Variants in PTPA observed in about 807,000 individuals in gnomAD.
The protein encoded by PTPA is serine/threonine-protein phosphatase 2A activator.
In PTPA, 13 loss-of-function variants were observed where a neutral mutation model predicts 43.6. That is an observed-to-expected ratio of 0.30 (90% CI 0.19 to 0.47). PTPA has a LOEUF of 0.47. Among genes scored for constraint, PTPA ranks in the 20% least tolerant of loss-of-function variants. PTPA has a pLI of 0.99. For synonymous variants in PTPA, 172 were observed against 158.2 expected, an observed-to-expected ratio of 1.09 and a Z score of -0.66; for missense variants, 329 against 411.9, an observed-to-expected ratio of 0.80 and a Z score of 1.74.
In PTPA at chr9:129,147,507, C is replaced by G; in HGVS notation, c.*43C>G. 1 of 1,576,516 alleles carries G rather than the reference C, an allele frequency of 6.3e-7. No homozygotes were observed. The highest frequency in any genetic ancestry group is 8.7e-7 in the Non-Finnish European group (1 of 1,148,956). ...AGCCACCCAGGCCACAGTTCCTGTG[C>G]CTGCCTTCCCCACCCCAGCAGTGGC... is the stretch of plus-strand genomic sequence containing the variant. On this transcript the variant is annotated 3_prime_UTR_variant, in exon 10 of 10. Coordinates refer to ENST00000393370, the MANE Select transcript of PTPA (RefSeq NM_178000.3).
At chr9:129,118,361 T>G (rs916127720) in intron 1 of PTPA, among the ~76,000 whole-genome samples, 1 of 151,686 alleles carries the variant, frequency 6.6e-6, no homozygotes, top group Non-Finnish European at 1.5e-5. Flanking sequence ...CTATTTGGGT[T>G]GTTTCTAATT....
At chr9:129,143,047 C>A in intron 9 of PTPA, 1 of 831,186 alleles carries the variant, frequency 1.2e-6, no homozygotes, top group Non-Finnish European at 1.8e-6. Flanking sequence ...TGGACCGCTT[C>A]AGGGATTTTG....
At chr9:129,128,762 G>A (rs1429176966) in intron 3 of PTPA, among the ~76,000 whole-genome samples, 4 of 152,068 alleles carry the variant, frequency 2.6e-5, no homozygotes, top group Admixed American at 1.3e-4. Flanking sequence ...AAGCCACCCC[G>A]TCCCTGTCCC....
intron 8 of PTPA, among the ~76,000 whole-genome samples, chr9:129,140,312 T>C (rs3118633): frequency 1 from 151,666 of 152,284 alleles, 75,532 homozygotes; most frequent in Middle Eastern, 1. Flanking sequence ...TTCCTTTTTC[T>C]CCCACTCGTC....
At chr9:129,141,001 C>T (rs905066692) in intron 8 of PTPA, among the ~76,000 whole-genome samples, 6 of 151,978 alleles carry the variant, frequency 3.9e-5, no homozygotes, top group Non-Finnish European at 8.8e-5. Flanking sequence ...CTGTTGGGTG[C>T]CTCGGGCTCT....
At chr9:129,136,869 G>C (rs1850407056) in intron 7 of PTPA, among the ~76,000 whole-genome samples, 1 of 152,254 alleles carries the variant, frequency 6.6e-6, no homozygotes, top group African/African-American at 2.4e-5. Flanking sequence ...CGCACGCCTG[G>C]TGCATAATGG....
chr9:129,144,831 G>C (rs911814674), intron 9 of PTPA, among the ~76,000 whole-genome samples: 1 of 151,284 alleles, frequency 6.6e-6, no homozygotes, highest in Non-Finnish European at 1.5e-5. Flanking sequence ...CCAGGAGTTC[G>C]AGACCAACCT....
At chr9:129,126,286 C>T (rs1345693591) in intron 3 of PTPA, among the ~76,000 whole-genome samples, 7 of 151,968 alleles carry the variant, frequency 4.6e-5, no homozygotes, top group South Asian at 2.1e-4. Context: ...CTCCGCCTCC[C>T]GGGTTCAAAC....
chr9:129,113,535 G>A (rs1424224445), intron 1 of PTPA, among the ~76,000 whole-genome samples: 5 of 151,362 alleles, frequency 3.3e-5, no homozygotes, highest in Admixed American at 1.3e-4. Context: ...TTGGGAGGCC[G>A]ACACAGGCGG....
chr9:129,139,129 G>A (rs1244377208), intron 8 of PTPA, among the ~76,000 whole-genome samples: 2 of 152,232 alleles, frequency 1.3e-5, no homozygotes, highest in African/African-American at 4.8e-5. Context: ...CGGCTGGCCA[G>A]GCCTCTGGGT....
At chr9:129,142,222 G>GC (rs1236581509) in intron 8 of PTPA, 1 of 449,612 alleles carries the variant, frequency 2.2e-6, no homozygotes, top group African/African-American at 2.0e-5. Context: ...GGCCTTGAGG[G>GC]CCAAAGGGGA....
chr9:129,124,569 G>C (rs1364601607), intron 3 of PTPA, among the ~76,000 whole-genome samples: 1 of 152,124 alleles, frequency 6.6e-6, no homozygotes, highest in African/African-American at 2.4e-5. Flanking sequence ...AGATAGTTTT[G>C]TTTGTGTAGA....
intron 3 of PTPA, among the ~76,000 whole-genome samples, chr9:129,126,405 C>G (rs972254319): frequency 2.0e-5 from 3 of 151,924 alleles, no homozygotes; most frequent in Non-Finnish European, 2.9e-5. Flanking sequence ...GTCTCGAACT[C>G]CCGAACTCAG....
chr9:129,125,577 C>A (rs3124505), intron 3 of PTPA, among the ~76,000 whole-genome samples: 6,159 of 152,070 alleles, frequency 0.041, 152 homozygotes, highest in Non-Finnish European at 0.06. Context: ...TGTACTTTGG[C>A]AGGATTGCAG....
rs1400128437 is a variant in PTPA at position 129,148,370 on chromosome 9, C to T, written c.*906C>T. ...CTCTTGGCAGTCTTAGGCCCGGCCA[C>T]TTCTGCTACCTTTGCGCTGCTGTGA... On this transcript the variant is annotated 3_prime_UTR_variant, in exon 10 of 10. Coordinates refer to ENST00000393370, the MANE Select transcript of PTPA (RefSeq NM_178000.3). The T allele has an allele frequency of 6.5e-6, 1 of 152,832 alleles. No individual in the cohort carries two copies. The highest frequency in any genetic ancestry group is 1.5e-5 in the Non-Finnish European group (1 of 68,446). The allele number at this position is 152,832 out of a possible 1,614,324, so 9.5% of individuals were successfully genotyped here.
At chr9:129,139,119 C>T (rs576143741) in intron 8 of PTPA, among the ~76,000 whole-genome samples, 4 of 152,310 alleles carry the variant, frequency 2.6e-5, no homozygotes, top group African/African-American at 9.6e-5. Context: ...GCTCCCCCGG[C>T]GGCTGGCCAG....
At chr9:129,111,341 G>T (rs554332819), upstream of PTPA, 3 of 1,187,328 alleles carry the variant, frequency 2.5e-6, no homozygotes, top group East Asian at 7.3e-5. Flanking sequence ...GCCCCGCACT[G>T]ACATGGCCGT....
chr9:129,134,900 A>G lies in PTPA; in HGVS notation c.560+6A>G, dbSNP rs1204457103. 1 of 1,609,146 alleles carries G rather than the reference A, an allele frequency of 6.2e-7. No homozygotes were observed. The highest frequency in any genetic ancestry group is 2.2e-5 in the East Asian group (1 of 44,868). On this transcript the variant is annotated splice_donor_region_variant and intron_variant, in intron 6 of 9. Transcript: ENST00000393370. ...GTCTTCAAGGTGTTCAATCGGTGAG[A>G]GAAAGGACAGGAGGGTTGGAGGAGG...
chr9:129,133,617 C>A (rs1394443874), intron 5 of PTPA, among the ~76,000 whole-genome samples: 1 of 152,206 alleles, frequency 6.6e-6, no homozygotes, highest in African/African-American at 2.4e-5. Context: ...ACAGTGCAGA[C>A]CATTCCTGTT....
Sources: allele counts gnomAD v4.1 joint callset (sites outside exome capture counted in the v4.1 genomes callset), GRCh38; gene constraint gnomAD v4.1.1; transcripts MANE v1.5; gene names NCBI Gene and HGNC (gene_info 2026-07-23, HGNC 2026-07-21).